Variants in WDR72 observed in about 807,000 individuals in gnomAD.
The protein encoded by WDR72 is WD repeat domain 72.
Under a neutral mutation model 124.2 loss-of-function variants are expected in WDR72, and 120 were observed. The observed-to-expected ratio is 0.97, with a 90% CI of 0.83 to 1.12. WDR72 has a LOEUF of 1.12. WDR72 is among the 50% of genes most tolerant of loss of function. The pLI is 0.00. For missense variants in WDR72, 1,387 were observed against 1,278.8 expected (o/e 1.08, Z -1.29); for synonymous variants, 452 against 441.7 (o/e 1.02, Z -0.29).
chr15:53,745,202 C>T (rs187394729), intron 1 of WDR72, among the ~76,000 whole-genome samples: 19 of 152,048 alleles, frequency 1.2e-4, no homozygotes, highest in Non-Finnish European at 2.5e-4. Flanking sequence ...ATAGGTGATT[C>T]TGCATAGATA....
upstream of WDR72, among the ~76,000 whole-genome samples, chr15:53,762,266 T>C (rs547687561): frequency 6.6e-6 from 1 of 152,324 alleles, no homozygotes; most frequent in East Asian, 1.9e-4. Context: ...ACTAGAGCAC[T>C]CCTCTCGCCT....
intron 13 of WDR72, among the ~76,000 whole-genome samples, chr15:53,668,132 C>G (rs2015843406): frequency 6.6e-6 from 1 of 152,152 alleles, no homozygotes; most frequent in Admixed American, 6.6e-5. Context: ...AAAGTAACAC[C>G]TAAGCTATTT....
At chr15:53,519,404 G>T (rs964237750) in intron 19 of WDR72, among the ~76,000 whole-genome samples, 2 of 152,064 alleles carry the variant, frequency 1.3e-5, no homozygotes, top group Non-Finnish European at 2.9e-5. Flanking sequence ...AAAAGAGGGA[G>T]CTGAAAGTTC....
At chr15:53,540,935 C>A (rs1051995413) in intron 18 of WDR72, 3 of 156,380 alleles carry the variant, frequency 1.9e-5, no homozygotes, top group South Asian at 2.0e-4. Context: ...CTTTTCGGAC[C>A]GGCTTAAAAA....
chr15:53,609,610 A>G lies in WDR72; in HGVS notation c.2873-18T>C. On this transcript the variant is annotated intron_variant, in intron 16 of 19. Coordinates refer to ENST00000360509, the MANE Select transcript of WDR72 (RefSeq NM_182758.4). ...ATTCTTACCTAGAAATATACAGAAC[A>G]CACTTGTATCTTTAGAGTATTAAAA... 6.3e-7 allele frequency: 1 copy of G among 1,596,556 alleles called. No homozygotes were observed. Among genetic ancestry groups the G allele is most frequent in the Non-Finnish European group, 8.6e-7 (1 of 1,164,426 alleles).
intron 18 of WDR72, among the ~76,000 whole-genome samples, chr15:53,540,571 G>A (rs200513816): frequency 5.6e-4 from 76 of 135,058 alleles, no homozygotes; most frequent in East Asian, 2.4e-3. Context: ...AAGGAAGAAA[G>A]AAAAAAAAAA....
chr15:53,682,776 G>A (rs543173868), intron 13 of WDR72, among the ~76,000 whole-genome samples: 1 of 152,002 alleles, frequency 6.6e-6, no homozygotes, highest in Non-Finnish European at 1.5e-5. Flanking sequence ...TCCAACCTCC[G>A]CTTGTTATTC....
At chr15:53,585,385 C>T (rs1172624841) in intron 18 of WDR72, among the ~76,000 whole-genome samples, 1 of 151,958 alleles carries the variant, frequency 6.6e-6, no homozygotes, top group Non-Finnish European at 1.5e-5. Context: ...GAGGAAACCG[C>T]CCCTGTGATC....
chr15:53,608,381 C>T (rs1341049713), intron 17 of WDR72, among the ~76,000 whole-genome samples: 1 of 152,152 alleles, frequency 6.6e-6, no homozygotes, highest in Admixed American at 6.6e-5. Flanking sequence ...CATGGATAAA[C>T]TGGAGATCAT....
At chr15:53,647,304 G>C (rs1490096190) in intron 14 of WDR72, among the ~76,000 whole-genome samples, 1 of 151,844 alleles carries the variant, frequency 6.6e-6, no homozygotes, top group Non-Finnish European at 1.5e-5. Context: ...ATTTGAAAGA[G>C]ATTCATTACT....
chr15:53,674,803 C>A (rs2016109698), intron 13 of WDR72, among the ~76,000 whole-genome samples: 1 of 152,130 alleles, frequency 6.6e-6, no homozygotes, highest in African/African-American at 2.4e-5. Flanking sequence ...ATGACCTTAA[C>A]CCCAGCTCTG....
intron 16 of WDR72, among the ~76,000 whole-genome samples, chr15:53,610,473 T>C (rs72747331): frequency 0.065 from 9,834 of 152,056 alleles, 408 homozygotes; most frequent in Non-Finnish European, 0.079. Context: ...CTTAAATTAA[T>C]ATATTGATAT....
chr15:53,706,198 T>C (rs1446890600), intron 9 of WDR72, 124 bp from the exon 10 acceptor site: 3 of 1,141,442 alleles, frequency 2.6e-6, no homozygotes, highest in Non-Finnish European at 3.7e-6. Flanking sequence ...CCCACTCTTT[T>C]GACATTTTCA....
At chr15:53,715,463 A>G in intron 4 of WDR72, 96 bp from the exon 5 acceptor site, 1 of 1,443,782 alleles carries the variant, frequency 6.9e-7, no homozygotes, top group Non-Finnish European at 9.6e-7. Context: ...GTTTTAGCAT[A>G]TGATCAATTA....
intron 2 of WDR72, among the ~76,000 whole-genome samples, chr15:53,724,407 A>G (rs2017962179): frequency 1.3e-5 from 2 of 152,220 alleles, no homozygotes; most frequent in South Asian, 4.1e-4. Flanking sequence ...AGACCAAGTA[A>G]TTCATGAAGA....
At chr15:53,746,249 A>C (rs917068430) in intron 1 of WDR72, among the ~76,000 whole-genome samples, 34 of 152,150 alleles carry the variant, frequency 2.2e-4, no homozygotes, top group African/African-American at 8.2e-4. Context: ...TAGCAGAATA[A>C]TGAGTATGAT....
intron 14 of WDR72, among the ~76,000 whole-genome samples, chr15:53,619,088 C>T (rs530152663): frequency 3.2e-4 from 49 of 152,014 alleles, no homozygotes; most frequent in Admixed American, 2.6e-4. Flanking sequence ...TCTAAAAAAA[C>T]AAAATGGTCA....
At chr15:53,646,737 C>G (rs2015055795) in intron 14 of WDR72, among the ~76,000 whole-genome samples, 1 of 151,838 alleles carries the variant, frequency 6.6e-6, no homozygotes, top group South Asian at 2.1e-4. Flanking sequence ...AAATGTACAA[C>G]AAAATATCCT....
Position 53,534,585 on chromosome 15 carries a change from A to G in WDR72, c.3149-11263T>C, listed in dbSNP as rs558001979. On this transcript the variant is annotated intron_variant, in intron 18 of 19. Coordinates refer to ENST00000360509, the MANE Select transcript of WDR72 (RefSeq NM_182758.4). ...GTTTCATTAGTTCAAGGAAAGGGTC[A>G]CTCAATTTTTAAAGCATTTGGTTTG... 2.0e-5 allele frequency among the ~76,000 whole-genome samples: 3 copies of G among 152,242 alleles called. No homozygotes were observed. The South Asian group carries it at 6.2e-4, about 32-fold the overall frequency.
Sources: gnomAD v4.1 joint callset for allele counts (sites outside exome capture counted in the v4.1 genomes callset) on GRCh38, gnomAD v4.1.1 for gene constraint, MANE v1.5 for transcripts, NCBI Gene and HGNC (gene_info 2026-07-23, HGNC 2026-07-21) for gene names.